The following AKT3 variants were observed in gnomAD, a reference collection of about 807,000 sequenced individuals.
The protein encoded by AKT3 is RAC-gamma serine/threonine-protein kinase.
In AKT3, 15 loss-of-function variants were observed where a neutral mutation model predicts 65.3. The ratio of observed to expected loss-of-function variants is 0.23; its 90% CI spans 0.15 to 0.35. AKT3 has a LOEUF of 0.35. Among genes scored for constraint, AKT3 ranks in the 10% least tolerant of loss-of-function variants. The pLI, the probability that AKT3 is intolerant of heterozygous loss-of-function variation, is 1.00. For synonymous variants in AKT3, 206 were observed against 183.8 expected, an observed-to-expected ratio of 1.12 and a Z score of -0.98; for missense variants, 243 against 576.5, an observed-to-expected ratio of 0.42 and a Z score of 5.92.
intron 2 of AKT3, among the ~76,000 whole-genome samples, chr1:243,783,211 T>C (rs1440171504): frequency 2.0e-5 from 3 of 152,132 alleles, no homozygotes; most frequent in Admixed American, 2.0e-4. Context: ...AAAGACTAAA[T>C]AAAGCATGAT....
At chr1:243,692,550 T>C (rs1280717930) in intron 3 of AKT3, among the ~76,000 whole-genome samples, 5 of 151,058 alleles carry the variant, frequency 3.3e-5, no homozygotes, top group African/African-American at 1.2e-4. Context: ...CTGGCCAACA[T>C]GGTGAAACCC....
intron 9 of AKT3, among the ~76,000 whole-genome samples, chr1:243,565,068 G>T (rs547641510): frequency 6.6e-6 from 1 of 152,288 alleles, no homozygotes; most frequent in African/African-American, 2.4e-5. Context: ...GCAAAGTTCA[G>T]AACAGACAAA....
chr1:243,741,744 GATAAAAC>G (rs1162618542), intron 2 of AKT3: 1 of 152,038 alleles, frequency 6.6e-6, no homozygotes, highest in African/African-American at 2.4e-5. Flanking sequence ...TAGCAGACAT[GATAAAAC>G]ATAAAATACT....
At chr1:243,849,937 T>TC in intron 1 of AKT3, 103 bp downstream of exon 1, 1 of 861,372 alleles carries the variant, frequency 1.2e-6, no homozygotes, top group Non-Finnish European at 1.4e-6. Flanking sequence ...CCCGCCGCCA[T>TC]CCCCCGCCTG....
chr1:243,616,197 C>T lies in AKT3; in HGVS notation c.562-1036G>A, dbSNP rs533776751. ...ACCCAATGTGTAGTCTTTTATGCCT[C>T]ACCCTGCTTCCATCCTTTCCCCCAA... On this transcript the variant is annotated intron_variant, in intron 6 of 13. Coordinates refer to ENST00000673466, the MANE Select transcript of AKT3 (RefSeq NM_005465.7). 3.4e-4 allele frequency among the ~76,000 whole-genome samples: 51 copies of T among 151,334 alleles called. 1 individual carries two copies. Among genetic ancestry groups the T allele is most frequent in the African/African-American group, 1.1e-3 (47 of 41,250 alleles).
At chr1:243,824,495 G>C (rs954271899) in intron 2 of AKT3, among the ~76,000 whole-genome samples, 5 of 152,104 alleles carry the variant, frequency 3.3e-5, no homozygotes, top group African/African-American at 1.2e-4. Context: ...GAAAATTTTT[G>C]CAATCTATCC....
intron 6 of AKT3, among the ~76,000 whole-genome samples, chr1:243,620,625 G>A (rs1183829982): frequency 6.6e-6 from 1 of 151,946 alleles, no homozygotes; most frequent in Non-Finnish European, 1.5e-5. Flanking sequence ...CCCAGATAAT[G>A]ACTTCTAATA....
intron 2 of AKT3, among the ~76,000 whole-genome samples, chr1:243,770,858 A>C (rs1652237921): frequency 6.6e-6 from 1 of 152,128 alleles, no homozygotes; most frequent in Non-Finnish European, 1.5e-5. Context: ...TACTGTTTTA[A>C]AGACTGTAGA....
intron 12 of AKT3, among the ~76,000 whole-genome samples, chr1:243,522,627 G>T (rs1331620490): frequency 6.6e-6 from 1 of 152,000 alleles, no homozygotes; most frequent in African/African-American, 2.4e-5. Context: ...GACAGAGAGA[G>T]ACCCTGGCTC....
At chr1:243,525,720 T>C (rs1295239219) in intron 12 of AKT3, among the ~76,000 whole-genome samples, 7 of 108,728 alleles carry the variant, frequency 6.4e-5, no homozygotes, top group Admixed American at 1.1e-4. Context: ...AGGAAAACAA[T>C]GTGAAAAAAC....
intron 2 of AKT3, among the ~76,000 whole-genome samples, chr1:243,841,292 T>C (rs1037805273): frequency 2.6e-5 from 4 of 152,180 alleles, no homozygotes; most frequent in African/African-American, 9.6e-5. Flanking sequence ...TATGTGGAGA[T>C]AGCAACAGCT....
At chr1:243,709,723 C>A (rs996996688) in intron 2 of AKT3, among the ~76,000 whole-genome samples, 1 of 151,904 alleles carries the variant, frequency 6.6e-6, no homozygotes, top group Admixed American at 6.6e-5. Context: ...TTATAAAATT[C>A]TTTTCTATAA....
intron 12 of AKT3, among the ~76,000 whole-genome samples, chr1:243,532,758 C>T (rs990502585): frequency 3.3e-5 from 5 of 152,148 alleles, no homozygotes; most frequent in Non-Finnish European, 7.3e-5. Flanking sequence ...GTAGACTTCC[C>T]CAGTAAAGCC....
At chr1:243,524,506 A>G (rs963000641) in intron 12 of AKT3, among the ~76,000 whole-genome samples, 2 of 152,248 alleles carry the variant, frequency 1.3e-5, no homozygotes, top group African/African-American at 4.8e-5. Flanking sequence ...AATTGGGACA[A>G]AAGAGAAGGG....
Position 243,788,006 on chromosome 1 carries a change from C to T in AKT3, c.46+55119G>A, listed in dbSNP as rs1377295517. On this transcript the variant is annotated intron_variant, in intron 2 of 13. Coordinates refer to ENST00000673466, the MANE Select transcript of AKT3 (RefSeq NM_005465.7). ...TGGAAAACCTTGCAACATACAGTCGCTTTCTGGAATTCCCTAATGTATGCA... is the reference window on the plus strand; with the variant it reads ...TGGAAAACCTTGCAACATACAGTCGTTTTCTGGAATTCCCTAATGTATGCA... Among the ~76,000 whole-genome samples the T allele has an allele frequency of 2.6e-5, 4 of 152,130 alleles. No homozygotes were observed. The South Asian group carries it at 6.2e-4, about 24-fold the overall frequency.
rs1672443158 is a variant in AKT3, at chr1:243,543,307, G to A, written c.1251+2203C>T. ...GTGGGGCCAAACTCTTATTCAACATGAATAGCTGAACACTGAGATAAGGAA... is the reference window on the plus strand; with the variant it reads ...GTGGGGCCAAACTCTTATTCAACATAAATAGCTGAACACTGAGATAAGGAA... On this transcript the variant is annotated intron_variant, in intron 12 of 13. Transcript: ENST00000673466. Among the ~76,000 whole-genome samples, 3 of 152,102 alleles carry A rather than the reference G, an allele frequency of 2.0e-5. No homozygotes were observed. The South Asian group carries it at 6.2e-4, about 31-fold the overall frequency.
At chr1:243,690,337 G>A (rs1013265291) in intron 3 of AKT3, among the ~76,000 whole-genome samples, 1 of 152,048 alleles carries the variant, frequency 6.6e-6, no homozygotes, top group African/African-American at 2.4e-5. Flanking sequence ...CATGACTCCT[G>A]GACAGACAAA....
rs1310613109 is a variant in AKT3 at position 243,784,808 on chromosome 1, T to A, written c.46+58317A>T. On this transcript the variant is annotated intron_variant, in intron 2 of 13. Transcript: ENST00000673466. Reference sequence around the variant, plus strand: ...TGTGCTCCCCCTCCCACCCCTAGGCTGGAGTGCAGTGGCACAATCATAGCT... The same window carrying A: ...TGTGCTCCCCCTCCCACCCCTAGGCAGGAGTGCAGTGGCACAATCATAGCT... Among the ~76,000 whole-genome samples the A allele has an allele frequency of 2.6e-5, 4 of 152,140 alleles. No homozygotes were observed. The East Asian group carries it at 7.7e-4, about 29-fold the overall frequency.
chr1:243,828,041 A>G lies in AKT3; in HGVS notation c.46+15084T>C, dbSNP rs1423696240. ...AGCATCAGTGATTTTTGATCAATGT[A>G]AAAGCATCTGAAGAATGTTTTAAAA... On this transcript the variant is annotated intron_variant, in intron 2 of 13. Coordinates refer to ENST00000673466, the MANE Select transcript of AKT3 (RefSeq NM_005465.7). Among the ~76,000 whole-genome samples, 3 of 144,400 alleles carry G rather than the reference A, an allele frequency of 2.1e-5. No homozygotes were observed. The East Asian group carries it at 6.1e-4, about 30-fold the overall frequency. The allele number at this position is 144,400 out of a possible 152,430, so 94.7% of individuals were successfully genotyped here.
Sources: allele counts gnomAD v4.1 joint callset (sites outside exome capture counted in the v4.1 genomes callset), GRCh38; gene constraint gnomAD v4.1.1; transcripts MANE v1.5; gene names NCBI Gene and HGNC (gene_info 2026-07-23, HGNC 2026-07-21).